BLM: variants seen among roughly 807,000 people sequenced by gnomAD.
BLM encodes recQ-like DNA helicase BLM.
In BLM, 95 loss-of-function variants were observed where a neutral mutation model predicts 135.3. That is an observed-to-expected ratio of 0.70 (90% CI 0.59 to 0.83). The LOEUF is 0.83. Among genes scored for constraint, BLM ranks in the 40% least tolerant of loss-of-function variants. The pLI is 0.00. For synonymous variants in BLM, 520 were observed against 589.2 expected (o/e 0.88, Z 1.70); for missense variants, 1,518 against 1,663.9 (o/e 0.91, Z 1.53).
intron 1 of BLM, among the ~76,000 whole-genome samples, chr15:90,726,803 G>A (rs907801538): frequency 2.0e-5 from 3 of 152,100 alleles, no homozygotes; most frequent in East Asian, 1.9e-4. Context: ...TTGTATAAAT[G>A]TACTATAATT....
intron 7 of BLM, 37 bp from the exon 8 acceptor site, chr15:90,762,929 A>G (rs1182509960): frequency 6.4e-7 from 1 of 1,574,418 alleles, no homozygotes; most frequent in Non-Finnish European, 8.7e-7. Context: ...CACTGTATTC[A>G]TGTACTGATT....
At chr15:90,727,327 T>C (rs936257889) in intron 1 of BLM, among the ~76,000 whole-genome samples, 1 of 152,162 alleles carries the variant, frequency 6.6e-6, no homozygotes, top group Non-Finnish European at 1.5e-5. Context: ...ATTGTGGTTT[T>C]GATTTGCACT....
chr15:90,727,048 A>G (rs1158082972), intron 1 of BLM, among the ~76,000 whole-genome samples: 1 of 152,216 alleles, frequency 6.6e-6, no homozygotes, highest in Non-Finnish European at 1.5e-5. Flanking sequence ...TATTCTCACC[A>G]TCAGTGGAAG....
At chr15:90,781,202 CTG>C (rs1219039490) in intron 12 of BLM, among the ~76,000 whole-genome samples, 1 of 152,170 alleles carries the variant, frequency 6.6e-6, no homozygotes, top group Non-Finnish European at 1.5e-5. Context: ...AATAAAGTGA[CTG>C]TAATCAGTAG....
chr15:90,728,009 C>A (rs1203737229), intron 1 of BLM, among the ~76,000 whole-genome samples: 3 of 152,116 alleles, frequency 2.0e-5, no homozygotes, highest in African/African-American at 4.8e-5. Flanking sequence ...ATTGTTTCCT[C>A]CCTCCTTGAC....
At chr15:90,791,798 C>T (rs1304705464) in intron 15 of BLM, among the ~76,000 whole-genome samples, 3 of 152,006 alleles carry the variant, frequency 2.0e-5, no homozygotes, top group African/African-American at 4.8e-5. Flanking sequence ...GCTACCATGC[C>T]CAACTAATTT....
At chr15:90,803,850 T>C in intron 18 of BLM, 130 bp downstream of exon 18, 3 of 1,006,540 alleles carry the variant, frequency 3.0e-6, no homozygotes, top group Non-Finnish European at 4.4e-6. Flanking sequence ...ACGAACATAT[T>C]CTGTTTTTCT....
intron 5 of BLM, among the ~76,000 whole-genome samples, chr15:90,757,299 C>A (rs902067008): frequency 6.6e-6 from 1 of 152,132 alleles, no homozygotes; most frequent in Non-Finnish European, 1.5e-5. Flanking sequence ...GCCTCACACA[C>A]GTGTCAGTGA....
intron 6 of BLM, 110 bp downstream of exon 6, chr15:90,760,389 G>A: frequency 7.0e-7 from 1 of 1,421,208 alleles, no homozygotes; most frequent in South Asian, 1.2e-5. Flanking sequence ...AATGGCATAA[G>A]GATGATCATC....
intron 17 of BLM, among the ~76,000 whole-genome samples, chr15:90,803,190 G>C (rs193053211): frequency 6.6e-6 from 1 of 151,156 alleles, no homozygotes. Flanking sequence ...ATGTAGATAA[G>C]TAATGCACAG....
chr15:90,723,366 A>G (rs1021443789), intron 1 of BLM, among the ~76,000 whole-genome samples: 1 of 147,866 alleles, frequency 6.8e-6, no homozygotes, highest in African/African-American at 2.5e-5. Flanking sequence ...TTTTAATAGT[A>G]ATTTTGGCTG....
chr15:90,770,724 CGG>C (rs1896291033), intron 12 of BLM, among the ~76,000 whole-genome samples: 1 of 152,074 alleles, frequency 6.6e-6, no homozygotes, highest in African/African-American at 2.4e-5. Context: ...TTTTAAAGCA[CGG>C]CTTTTGTTCA....
chr15:90,774,907 C>A (rs2151171661), intron 12 of BLM, among the ~76,000 whole-genome samples: 1 of 151,800 alleles, frequency 6.6e-6, no homozygotes, highest in East Asian at 1.9e-4. Context: ...GACAAGGTGG[C>A]TTGACGCCAG....
intron 1 of BLM, among the ~76,000 whole-genome samples, chr15:90,740,157 A>G (rs557266036): frequency 3.9e-5 from 6 of 152,318 alleles, no homozygotes; most frequent in Non-Finnish European, 7.3e-5. Flanking sequence ...ACAGTTATGC[A>G]ACCATCACCG....
intron 12 of BLM, among the ~76,000 whole-genome samples, chr15:90,778,735 G>C (rs1220759790): frequency 6.6e-6 from 1 of 151,926 alleles, no homozygotes; most frequent in Non-Finnish European, 1.5e-5. Context: ...GTTGATATTG[G>C]GTTGTTTCCA....
At chr15:90,795,980 G>A (rs996258764) in intron 16 of BLM, among the ~76,000 whole-genome samples, 2 of 152,318 alleles carry the variant, frequency 1.3e-5, no homozygotes, top group East Asian at 3.9e-4. Flanking sequence ...TTTGGCTAGA[G>A]CAAAGGCCCT....
chr15:90,813,435 C>T (rs770131298), intron 21 of BLM, among the ~76,000 whole-genome samples: 2 of 152,044 alleles, frequency 1.3e-5, no homozygotes, highest in East Asian at 3.9e-4. Context: ...CTCTTGTCAC[C>T]CAGGCTGGAG....
At chr15:90,763,276 C>A in intron 8 of BLM, 119 bp downstream of exon 8, 1 of 1,021,428 alleles carries the variant, frequency 9.8e-7, no homozygotes, top group Non-Finnish European at 1.5e-6. Context: ...ACCTCTTAAA[C>A]CTCCTGTACC....
chr15:90,738,564 A>AAAAAC (rs71463768), intron 1 of BLM, among the ~76,000 whole-genome samples: 59,283 of 149,164 alleles, frequency 0.4, 12,353 homozygotes, highest in Admixed American at 0.52. Context: ...CCCTGTTTCA[A>AAAAAC]AAAACAAAAC....
Sources: gnomAD v4.1 joint callset for allele counts (sites outside exome capture counted in the v4.1 genomes callset) on GRCh38, gnomAD v4.1.1 for gene constraint, MANE v1.5 for transcripts, NCBI Gene and HGNC (gene_info 2026-07-23, HGNC 2026-07-21) for gene names.